TOP6BL: variants seen among roughly 807,000 people sequenced by gnomAD.
TOP6BL encodes the protein type 2 DNA topoisomerase 6 subunit B-like.
chr11:66,837,816 A>G, the TOP6BL span, among the ~76,000 whole-genome samples: 20 of 152,250 alleles, frequency 1.3e-4, no homozygotes, highest in Non-Finnish European at 2.4e-4. Context: ...AGCTGGGAGG[A>G]TTGGGTTCTG....
At chr11:66,784,388 C>G in the TOP6BL span, among the ~76,000 whole-genome samples, 1 of 151,934 alleles carries the variant, frequency 6.6e-6, no homozygotes. Context: ...TCTCAAACTT[C>G]TGGGCTCAAG....
the TOP6BL span, among the ~76,000 whole-genome samples, chr11:66,777,797 G>A: frequency 6.6e-6 from 1 of 151,936 alleles, no homozygotes; most frequent in African/African-American, 2.4e-5. Context: ...ACTTGAATCC[G>A]GGAGGTGGAG....
chr11:66,758,594 G>T, the TOP6BL span, among the ~76,000 whole-genome samples: 3 of 152,060 alleles, frequency 2.0e-5, no homozygotes, highest in Non-Finnish European at 4.4e-5. Flanking sequence ...GATTGCAGGC[G>T]TGAGCCACCG....
chr11:66,762,242 C>A, the TOP6BL span: 2 of 564,926 alleles, frequency 3.5e-6, no homozygotes, highest in Non-Finnish European at 6.4e-6. Flanking sequence ...GGGGGCCCGG[C>A]CGCAGAACAC....
the TOP6BL span, among the ~76,000 whole-genome samples, chr11:66,784,453 C>A: frequency 6.6e-6 from 1 of 152,146 alleles, no homozygotes; most frequent in African/African-American, 2.4e-5. Flanking sequence ...TGAGCCACTG[C>A]TTCCTGCCTG....
At chr11:66,815,111 G>A in the TOP6BL span, among the ~76,000 whole-genome samples, 1 of 152,196 alleles carries the variant, frequency 6.6e-6, no homozygotes, top group African/African-American at 2.4e-5. Flanking sequence ...AGCCTACTGG[G>A]ATGGGGCAGT....
At chr11:66,842,592 G>A in the TOP6BL span, among the ~76,000 whole-genome samples, 1 of 152,162 alleles carries the variant, frequency 6.6e-6, no homozygotes, top group East Asian at 1.9e-4. Flanking sequence ...TTACTGAGCG[G>A]CCTGAGTCCC....
chr11:66,837,149 C>T, the TOP6BL span, among the ~76,000 whole-genome samples: 1 of 151,490 alleles, frequency 6.6e-6, no homozygotes, highest in African/African-American at 2.4e-5. Context: ...TTTCTTGAGA[C>T]AGAGTCTCAC....
chr11:66,771,169 CTT>C, the TOP6BL span: 11 of 139,162 alleles, frequency 7.9e-5, no homozygotes, highest in Non-Finnish European at 7.9e-5. Context: ...TTCTTTTTTT[CTT>C]TTTTTTTTTT....
At chr11:66,816,276 C>T in the TOP6BL span, 1 of 1,387,560 alleles carries the variant, frequency 7.2e-7, no homozygotes, top group Non-Finnish European at 9.6e-7. Context: ...GTAATGCACA[C>T]ATCTAAATTA....
At chr11:66,764,351 G>C in the TOP6BL span, among the ~76,000 whole-genome samples, 1 of 151,950 alleles carries the variant, frequency 6.6e-6, no homozygotes, top group Non-Finnish European at 1.5e-5. Context: ...CTGTGAAATT[G>C]CTTTGAAAGA....
the TOP6BL span, among the ~76,000 whole-genome samples, chr11:66,798,551 G>A: frequency 7.6e-6 from 1 of 130,874 alleles, no homozygotes; most frequent in South Asian, 2.6e-4. Context: ...AGTGAACCGT[G>A]TTTACACCAT....
chr11:66,810,900 C>T, the TOP6BL span, among the ~76,000 whole-genome samples: 5 of 149,430 alleles, frequency 3.3e-5, no homozygotes, highest in Non-Finnish European at 7.4e-5. Flanking sequence ...TCCCTTCAGG[C>T]TCCAATTACA....
the TOP6BL span, chr11:66,761,627 T>G: frequency 8.2e-7 from 1 of 1,215,398 alleles, no homozygotes; most frequent in South Asian, 1.4e-5. Flanking sequence ...AATGTACGCC[T>G]GGTGCTCCGG....
At chr11:66,816,103 C>T in the TOP6BL span, 5 of 1,605,036 alleles carry the variant, frequency 3.1e-6, no homozygotes, top group Admixed American at 3.4e-5. Context: ...TGAGGAGGAT[C>T]AGTCTCAGAC....
the TOP6BL span, chr11:66,788,328 C>A: frequency 7.9e-7 from 1 of 1,270,394 alleles, no homozygotes; most frequent in Non-Finnish European, 1.1e-6. Flanking sequence ...TTTCTGCAAT[C>A]TAATAACAAG....
the TOP6BL span, among the ~76,000 whole-genome samples, chr11:66,747,580 TGAG>T: frequency 6.6e-6 from 1 of 152,146 alleles, no homozygotes; most frequent in African/African-American, 2.4e-5. Context: ...TTTTAATAGA[TGAG>T]GAGTCTGTGG....
chr11:66,833,913 A>G, the TOP6BL span, among the ~76,000 whole-genome samples: 2 of 151,272 alleles, frequency 1.3e-5, no homozygotes, highest in African/African-American at 4.9e-5. Context: ...ATGCCACTGC[A>G]CTCCAGCCTG....
At chr11:66,829,307 T>C in the TOP6BL span, among the ~76,000 whole-genome samples, 1 of 147,286 alleles carries the variant, frequency 6.8e-6, no homozygotes, top group Non-Finnish European at 1.5e-5. Context: ...CCGCGTGTGG[T>C]GGCTACGCCT....
Sources: gnomAD v4.1 joint callset for allele counts (sites outside exome capture counted in the v4.1 genomes callset) on GRCh38, gnomAD v4.1.1 for gene constraint, MANE v1.5 for transcripts, NCBI Gene and HGNC (gene_info 2026-07-23, HGNC 2026-07-21) for gene names.